Variants in HDAC9 observed in about 807,000 individuals in gnomAD.
HDAC9 encodes the protein histone deacetylase 9.
HDAC9 carries 41 observed loss-of-function variants against 139.4 expected under a neutral mutation model. That is an observed-to-expected ratio of 0.29 (90% CI 0.23 to 0.38). The LOEUF (loss-of-function observed/expected upper bound fraction) is 0.38. Among genes scored for constraint, HDAC9 ranks in the 10% least tolerant of loss-of-function variants. The probability of loss-of-function intolerance (pLI) is 1.00; values close to 1 mark genes in which losing one functional copy is unlikely to be tolerated. For synonymous variants in HDAC9, 517 were observed against 476.2 expected (o/e 1.09, Z -1.12); for missense variants, 1,147 against 1,297.0 (o/e 0.88, Z 1.78).
chr7:18,390,375 G>A (rs1448822053), intron 1 of HDAC9, among the ~76,000 whole-genome samples: 1 of 152,098 alleles, frequency 6.6e-6, no homozygotes, highest in Non-Finnish European at 1.5e-5. Context: ...AGGTCAGCAA[G>A]GTCTGTCTCT....
chr7:18,776,915 T>C (rs1357380608), intron 16 of HDAC9, among the ~76,000 whole-genome samples: 1 of 152,000 alleles, frequency 6.6e-6, no homozygotes, highest in Non-Finnish European at 1.5e-5. Flanking sequence ...AAGATCTGTG[T>C]GTCTAGAGGT....
At chr7:18,205,654 A>G (rs1791452108) in intron 2 of HDAC9, among the ~76,000 whole-genome samples, 1 of 152,096 alleles carries the variant, frequency 6.6e-6, no homozygotes, top group African/African-American at 2.4e-5. Context: ...ACTTAGAAAA[A>G]TTTGATTTTT....
chr7:18,437,831 C>A (rs938883923), intron 1 of HDAC9, among the ~76,000 whole-genome samples: 5 of 151,174 alleles, frequency 3.3e-5, no homozygotes, highest in African/African-American at 1.2e-4. Flanking sequence ...GTCCCTCTCA[C>A]AGGATTATAG....
chr7:18,590,486 A>C lies in HDAC9; in HGVS notation c.415A>C (p.Arg139=). 6.3e-7 allele frequency: 1 copy of C among 1,592,942 alleles called. No homozygotes were observed. The highest frequency in any genetic ancestry group is 8.6e-7 in the Non-Finnish European group (1 of 1,169,422). ...CAGAGGCAAAGATAGAGGACGAGAA[A>C]GTAAGAGGCACCAGGGTAAACGATG... is the stretch of plus-strand genomic sequence containing the variant. ...PLRGKDRGRE[R]AVASTEVKQK... is the part of the protein sequence containing the mutation. The change falls in exon 4 of 26, where the codon AGG becomes CGG. Residue 139 remains arginine, a splice_region_variant and synonymous_variant. Transcript: ENST00000686413.
At chr7:18,721,916 C>A (rs967405758) in intron 12 of HDAC9, among the ~76,000 whole-genome samples, 5 of 152,176 alleles carry the variant, frequency 3.3e-5, no homozygotes, top group African/African-American at 7.2e-5. Context: ...CTAGAACTAT[C>A]CCTACCCACT....
chr7:18,994,508 A>G (rs892984192), intron 25 of HDAC9, among the ~76,000 whole-genome samples: 2 of 152,202 alleles, frequency 1.3e-5, no homozygotes, highest in African/African-American at 4.8e-5. Flanking sequence ...AGGACAGGCT[A>G]TAACTTCTTA....
chr7:18,315,287 A>T (rs1287322729), intron 1 of HDAC9, among the ~76,000 whole-genome samples: 1 of 152,158 alleles, frequency 6.6e-6, no homozygotes, highest in Non-Finnish European at 1.5e-5. Context: ...ATATGTATGA[A>T]TTCCTTTAGT....
chr7:18,442,599 G>T (rs1408665821), intron 1 of HDAC9, among the ~76,000 whole-genome samples: 7 of 152,148 alleles, frequency 4.6e-5, no homozygotes, highest in Non-Finnish European at 1.0e-4. Context: ...CTGAAATACT[G>T]TACTACAGTT....
At chr7:18,260,306 T>C (rs1229475082) in intron 2 of HDAC9, among the ~76,000 whole-genome samples, 6 of 119,762 alleles carry the variant, frequency 5.0e-5, no homozygotes, top group Non-Finnish European at 9.6e-5. Flanking sequence ...CAGACACTTT[T>C]TTTTGTTTTT....
At chr7:18,507,602 C>G (rs192105971) in intron 2 of HDAC9, among the ~76,000 whole-genome samples, 2 of 152,212 alleles carry the variant, frequency 1.3e-5, no homozygotes, top group East Asian at 1.9e-4. Flanking sequence ...TCAAGCTATT[C>G]TGCCTCAGCC....
At chr7:18,283,005 ACT>A (rs1405042565) in intron 2 of HDAC9, among the ~76,000 whole-genome samples, 2 of 125,658 alleles carry the variant, frequency 1.6e-5, no homozygotes, top group South Asian at 6.0e-4. Flanking sequence ...GATACTCAAC[ACT>A]CTAACCCAGC....
chr7:18,765,834 G>T (rs1394009459), intron 15 of HDAC9, among the ~76,000 whole-genome samples: 1 of 151,956 alleles, frequency 6.6e-6, no homozygotes, highest in Non-Finnish European at 1.5e-5. Flanking sequence ...TGCCAATATT[G>T]CAGTTTTAAT....
At chr7:18,373,778 T>C (rs1466331927) in intron 1 of HDAC9, among the ~76,000 whole-genome samples, 2 of 152,112 alleles carry the variant, frequency 1.3e-5, no homozygotes, top group African/African-American at 4.8e-5. Context: ...TGATATTTTG[T>C]TTTGGAAAAA....
At chr7:18,320,023 G>C (rs539346835) in intron 1 of HDAC9, among the ~76,000 whole-genome samples, 4 of 152,294 alleles carry the variant, frequency 2.6e-5, no homozygotes, top group Admixed American at 6.5e-5. Flanking sequence ...GGGAACTAAA[G>C]ATTTTTTTTC....
intron 1 of HDAC9, among the ~76,000 whole-genome samples, chr7:18,413,005 G>T (rs1233972739): frequency 1.3e-5 from 2 of 152,094 alleles, no homozygotes; most frequent in Admixed American, 6.5e-5. Flanking sequence ...TCCATCTTTA[G>T]ATTAACTAAT....
intron 14 of HDAC9, among the ~76,000 whole-genome samples, chr7:18,756,455 C>T (rs1788884488): frequency 1.3e-5 from 2 of 152,204 alleles, no homozygotes; most frequent in South Asian, 4.1e-4. Context: ...CATGGAATAG[C>T]TGGACTCCTT....
chr7:18,519,359 A>G (rs369834879), intron 2 of HDAC9, among the ~76,000 whole-genome samples: 1 of 152,336 alleles, frequency 6.6e-6, no homozygotes, highest in East Asian at 1.9e-4. Context: ...AAAAGTTACC[A>G]TATATTAAAT....
chr7:18,805,828 A>T (rs967766890), intron 17 of HDAC9, among the ~76,000 whole-genome samples: 1 of 152,156 alleles, frequency 6.6e-6, no homozygotes, highest in Admixed American at 6.5e-5. Flanking sequence ...AGTCTTTATG[A>T]TTTTTCCTTC....
intron 21 of HDAC9, among the ~76,000 whole-genome samples, chr7:18,868,577 A>G (rs1423991022): frequency 6.6e-6 from 1 of 152,148 alleles, no homozygotes; most frequent in Non-Finnish European, 1.5e-5. Flanking sequence ...GTGTTAGGAC[A>G]TACATTAGTT....
Sources: allele counts gnomAD v4.1 joint callset (sites outside exome capture counted in the v4.1 genomes callset), GRCh38; gene constraint gnomAD v4.1.1; transcripts MANE v1.5; gene names NCBI Gene and HGNC (gene_info 2026-07-23, HGNC 2026-07-21).